Variants in YTHDF2 observed in about 807,000 individuals in gnomAD.
The protein encoded by YTHDF2 is YTH domain-containing family protein 2.
A neutral mutation model predicts 50.4 loss-of-function variants in YTHDF2; 2 were observed. That is an observed-to-expected ratio of 0.04 (90% CI 0.02 to 0.12). The LOEUF (loss-of-function observed/expected upper bound fraction) is 0.12, where lower values mean the gene tolerates loss of function less well. Ranked by LOEUF, YTHDF2 falls within the 10% of genes least tolerant of loss-of-function variation. The probability of loss-of-function intolerance (pLI) is 1.00; values close to 1 mark genes in which losing one functional copy is unlikely to be tolerated. For missense variants in YTHDF2, 483 were observed against 722.6 expected (o/e 0.67, Z 3.80); for synonymous variants, 217 against 255.6 (o/e 0.85, Z 1.44).
At position 28,751,090 on chromosome 1, in the gene YTHDF2, C is replaced by CAAAAAAAAAAAAAA. The variant is rs56916547; in HGVS notation, c.1716+7111_1716+7124dup. ...CCTTTGTGACAGAGCGAGACTGTCTCAAAAAAAAAAAAAAAAAAAAGGCTG... is the reference window on the plus strand; with the variant it reads ...CCTTTGTGACAGAGCGAGACTGTCTCAAAAAAAAAAAAAAAAAAAAAAAAAAAAAAAAAAGGCTG... On this transcript the variant is annotated intron_variant, in intron 4 of 4. Coordinates refer to ENST00000373812, the MANE Select transcript of YTHDF2 (RefSeq NM_016258.3). Among the ~76,000 whole-genome samples, 127 of 33,748 alleles carry CAAAAAAAAAAAAAA rather than the reference C, an allele frequency of 3.8e-3. 26 individuals are homozygous for CAAAAAAAAAAAAAA. Among genetic ancestry groups the CAAAAAAAAAAAAAA allele is most frequent in the Non-Finnish European group, 5.3e-3 (105 of 19,758 alleles). 22.1% of individuals were successfully genotyped at this position (33,748 alleles called of 152,430 possible). A position where few individuals can be genotyped will look rare whatever the true frequency, so the allele number is the denominator to read the frequency against.
intron 4 of YTHDF2, among the ~76,000 whole-genome samples, chr1:28,765,449 C>G (rs1447374695): frequency 5.3e-5 from 8 of 151,880 alleles, no homozygotes; most frequent in Admixed American, 1.3e-4. Flanking sequence ...AGAGACAGGG[C>G]CTCTGTCACC....
At chr1:28,767,026 G>A (rs988406340) in intron 4 of YTHDF2, among the ~76,000 whole-genome samples, 2 of 136,002 alleles carry the variant, frequency 1.5e-5, no homozygotes, top group Non-Finnish European at 3.0e-5. Context: ...TTTTTTTGTA[G>A]AGACAGTGTC....
intron 3 of YTHDF2, among the ~76,000 whole-genome samples, chr1:28,741,605 T>C (rs2087777829): frequency 6.6e-6 from 1 of 152,188 alleles, no homozygotes; most frequent in Non-Finnish European, 1.5e-5. Context: ...TATTTCTCAT[T>C]TTACATCCTC....
chr1:28,737,965 C>A (rs572668370), intron 2 of YTHDF2: 97 of 572,616 alleles, frequency 1.7e-4, no homozygotes, highest in Non-Finnish European at 2.5e-4. Context: ...TTTTCATCCT[C>A]GTGGATCACT....
chr1:28,740,332 G>A (rs1481051312), intron 3 of YTHDF2: 2 of 152,154 alleles, frequency 1.3e-5, no homozygotes, highest in Non-Finnish European at 2.9e-5. Context: ...GCCAGTTCAG[G>A]TACAGACATT....
At chr1:28,752,804 A>G (rs1480612729) in intron 4 of YTHDF2, among the ~76,000 whole-genome samples, 1 of 151,868 alleles carries the variant, frequency 6.6e-6, no homozygotes, top group Non-Finnish European at 1.5e-5. Flanking sequence ...ACACTTTGGG[A>G]GGCTGAGGTG....
chr1:28,737,290 C>G, intron 1 of YTHDF2, 143 bp downstream of exon 1: 1 of 1,090,434 alleles, frequency 9.2e-7, no homozygotes, highest in East Asian at 3.1e-5. Flanking sequence ...TCAGGCCGGC[C>G]GCGCCCGGCG....
chr1:28,757,272 C>A (rs956307297), intron 4 of YTHDF2, among the ~76,000 whole-genome samples: 10 of 152,128 alleles, frequency 6.6e-5, no homozygotes, highest in Non-Finnish European at 1.2e-4. Flanking sequence ...ATAGCAAAAT[C>A]AGTTAGAGCT....
chr1:28,765,064 T>TA (rs964072588), intron 4 of YTHDF2, among the ~76,000 whole-genome samples: 2 of 152,018 alleles, frequency 1.3e-5, no homozygotes, highest in African/African-American at 4.8e-5. Context: ...CTTCACCTGT[T>TA]ACCCAGGCTG....
chr1:28,748,166 A>G (rs545070913), intron 4 of YTHDF2, among the ~76,000 whole-genome samples: 1 of 151,640 alleles, frequency 6.6e-6, no homozygotes, highest in Non-Finnish European at 1.5e-5. Flanking sequence ...CTGGGATTTC[A>G]GGAAGATGCC....
chr1:28,750,508 G>T (rs961294408), intron 4 of YTHDF2, among the ~76,000 whole-genome samples: 3 of 152,148 alleles, frequency 2.0e-5, no homozygotes, highest in Non-Finnish European at 4.4e-5. Context: ...GAAACCAAGG[G>T]ATAAAAGAGG....
chr1:28,768,458 C>T (rs1200826822), intron 4 of YTHDF2, among the ~76,000 whole-genome samples: 1 of 151,874 alleles, frequency 6.6e-6, no homozygotes, highest in Non-Finnish European at 1.5e-5. Flanking sequence ...TCTCCATAAC[C>T]CTGTGAGATA....
At chr1:28,754,604 G>T (rs1032372509) in intron 4 of YTHDF2, among the ~76,000 whole-genome samples, 4 of 151,890 alleles carry the variant, frequency 2.6e-5, no homozygotes, top group East Asian at 1.9e-4. Flanking sequence ...TGGGTAGTTC[G>T]CAAGGTCAGG....
Position 28,737,162 on chromosome 1 carries a change from C to G in YTHDF2, c.27+15C>G, listed in dbSNP as rs1224164247. On this transcript the variant is annotated intron_variant, in intron 1 of 4. Transcript: ENST00000373812. ...TCTTGGAGCAGGTACAGGCCCGGCCCGCATGCCTCGGCCATTGTGTGAGGC... is the reference window on the plus strand; with the variant it reads ...TCTTGGAGCAGGTACAGGCCCGGCCGGCATGCCTCGGCCATTGTGTGAGGC... The G allele has an allele frequency of 6.3e-7, 1 of 1,581,754 alleles. No homozygotes were observed. The highest frequency in any genetic ancestry group is 2.3e-5 in the East Asian group (1 of 42,764).
intron 4 of YTHDF2, among the ~76,000 whole-genome samples, chr1:28,752,382 G>A (rs2124186839): frequency 6.6e-6 from 1 of 152,176 alleles, no homozygotes; most frequent in Non-Finnish European, 1.5e-5. Flanking sequence ...AACTCACTGT[G>A]TCCTCCACCT....
rs1557542171 is a variant in YTHDF2, at chr1:28,745,098, C to T, written c.1716+1112C>T. 4.6e-5 allele frequency among the ~76,000 whole-genome samples: 7 copies of T among 152,234 alleles called. No individual in the cohort carries two copies. The South Asian group carries it at 1.4e-3, about 32-fold the overall frequency. ...CAAATATAAAATAAAGTCTAACAAG[C>T]AATGTTTTCCTTAAATTTGTTATGA... On this transcript the variant is annotated intron_variant, in intron 4 of 4. Transcript: ENST00000373812.
intron 4 of YTHDF2, among the ~76,000 whole-genome samples, chr1:28,754,339 C>T (rs778748561): frequency 6.6e-6 from 1 of 151,758 alleles, no homozygotes. Flanking sequence ...ACCAGCCTGG[C>T]CAACATGGCG....
At position 28,738,291 on chromosome 1, in the gene YTHDF2, T is replaced by G. The variant is rs763881811; in HGVS notation, c.85T>G (p.Leu29Val). Residue 29 changes from leucine (L) to valine (V), a missense_variant, in exon 3 of 5, where the codon TTA (leucine) becomes GTA (valine). Leu to Val is a conservative substitution (Grantham distance 32). Coordinates refer to ENST00000373812, the MANE Select transcript of YTHDF2 (RefSeq NM_016258.3). The stretch of plus-strand genomic sequence containing the variant: ...TGGATCTGTACATCAAAAGGATGGA[T>G]TAAACGATGATGATTTTGAACCTTA... ...QNGSVHQKDGLNDDDFEPYLS... is the reference protein window; with the variant it reads ...QNGSVHQKDGVNDDDFEPYLS... 6.2e-7 allele frequency: 1 copy of G among 1,614,162 alleles called. No individual in the cohort carries two copies. The highest frequency in any genetic ancestry group is 2.2e-5 in the East Asian group (1 of 44,870).
At chr1:28,761,131 A>G (rs56019812) in intron 4 of YTHDF2, among the ~76,000 whole-genome samples, 43 of 91,394 alleles carry the variant, frequency 4.7e-4, no homozygotes, top group East Asian at 1.2e-3. Context: ...GTGTGTGTGT[A>G]TTTTTTTTTT....
Sources: gnomAD v4.1 joint callset for allele counts (sites outside exome capture counted in the v4.1 genomes callset) on GRCh38, gnomAD v4.1.1 for gene constraint, MANE v1.5 for transcripts, NCBI Gene and HGNC (gene_info 2026-07-23, HGNC 2026-07-21) for gene names.